Variants in NCR3LG1 observed in about 807,000 individuals in gnomAD.
NCR3LG1 encodes the protein natural cytotoxicity triggering receptor 3 ligand 1.
Under a neutral mutation model 34.8 loss-of-function variants are expected in NCR3LG1, and 35 were observed. The observed-to-expected ratio is 1.01, with a 90% CI of 0.77 to 1.33. The LOEUF (loss-of-function observed/expected upper bound fraction) is 1.33, where lower values mean the gene tolerates loss of function less well. Among genes scored for constraint, NCR3LG1 ranks in the 40% most tolerant of loss-of-function variants. The pLI is 0.00. For synonymous variants in NCR3LG1, 173 were observed against 163.6 expected, an observed-to-expected ratio of 1.06 and a Z score of -0.44; for missense variants, 452 against 423.3, an observed-to-expected ratio of 1.07 and a Z score of -0.60.
chr11:17,370,120 C>T (rs377039670), intron 4 of NCR3LG1, among the ~76,000 whole-genome samples: 2 of 152,180 alleles, frequency 1.3e-5, no homozygotes, highest in Non-Finnish European at 2.9e-5. Context: ...GGCTTGCATG[C>T]ACACTACGAG....
intron 4 of NCR3LG1, among the ~76,000 whole-genome samples, chr11:17,370,963 A>T (rs1406340274): frequency 6.6e-6 from 1 of 152,208 alleles, no homozygotes; most frequent in Non-Finnish European, 1.5e-5. Context: ...TTTCCTTGAG[A>T]CAGGGGGACT....
chr11:17,378,587 T>C (rs1953495652), downstream of NCR3LG1, among the ~76,000 whole-genome samples: 1 of 152,130 alleles, frequency 6.6e-6, no homozygotes, highest in Admixed American at 6.5e-5. Context: ...CCCTAACTGC[T>C]GTAACCCCAA....
chr11:17,372,243 T>C lies in NCR3LG1; in HGVS notation c.1096T>C (p.Tyr366His), dbSNP rs1045678240. The C allele has an allele frequency of 5.7e-6, 4 of 703,044 alleles. No individual in the cohort carries two copies. Among genetic ancestry groups the C allele is most frequent in the Non-Finnish European group, 7.8e-6 (3 of 385,044 alleles). The allele number at this position is 703,044 out of a possible 1,614,324, so 43.6% of individuals were successfully genotyped here. Residue 366 changes from tyrosine (Y) to histidine (H), a missense_variant, in exon 5 of 5, where the codon TAT becomes CAT. By Grantham distance (83) the Tyr-to-His change is moderately conservative. Transcript: ENST00000338965. ...RQEGKWSEVPYVQAFFALRDN... is the reference protein window; with the variant it reads ...RQEGKWSEVPHVQAFFALRDN... ...GGAGGGCAAATGGTCCGAGGTTCCT[T>C]ATGTGCAAGCCTTCTTTGCCTTGCG...
chr11:17,364,192 T>G (rs1375847759), intron 2 of NCR3LG1, among the ~76,000 whole-genome samples: 1 of 152,068 alleles, frequency 6.6e-6, no homozygotes, highest in Non-Finnish European at 1.5e-5. Flanking sequence ...GTTTGGGAAG[T>G]TTCTTTTTTA....
At chr11:17,362,697 TTTCTTTC>T (rs1240829115) in intron 2 of NCR3LG1, among the ~76,000 whole-genome samples, 1 of 4,880 alleles carries the variant, frequency 2.0e-4, no homozygotes, top group Non-Finnish European at 3.5e-4. Context: ...CCTTCCTTTC[TTTCTTTC>T]TTTCTTTCTT....
chr11:17,372,280 A>G lies in NCR3LG1; in HGVS notation c.1133A>G (p.Asp378Gly). The change falls in exon 5 of 5, where the codon GAT becomes GGT. Residue 378 changes from aspartate (D) to glycine (G), a missense_variant. Asp to Gly is a moderately conservative substitution (Grantham distance 94). Transcript: ENST00000338965. ...QAFFALRDNPDLCQCCRIDPA... is the reference protein window; with the variant it reads ...QAFFALRDNPGLCQCCRIDPA... ...TTCTTTGCCTTGCGAGACAACCCAG[A>G]TCTTTGTCAGTGTTGTAGAATTGAC... 1 of 703,108 alleles carries G rather than the reference A, an allele frequency of 1.4e-6. No homozygotes were observed. The highest frequency in any genetic ancestry group is 2.7e-5 in the East Asian group (1 of 37,284). The allele number at this position is 703,108 out of a possible 1,614,324, so 43.6% of individuals were successfully genotyped here. A position where few individuals can be genotyped will look rare whatever the true frequency, so the allele number is the denominator to read the frequency against.
At chr11:17,379,625 T>C (rs1038879515), downstream of NCR3LG1, among the ~76,000 whole-genome samples, 5 of 152,186 alleles carry the variant, frequency 3.3e-5, no homozygotes, top group African/African-American at 1.2e-4. Flanking sequence ...GTTGCTCCAG[T>C]GGAGGCCAGG....
intron 4 of NCR3LG1, among the ~76,000 whole-genome samples, chr11:17,370,584 C>T (rs1339015556): frequency 2.0e-5 from 3 of 152,150 alleles, no homozygotes; most frequent in African/African-American, 2.4e-5. Context: ...CCCCCTTCAC[C>T]CTCAGGTGTT....
At position 17,374,810 on chromosome 11, in the gene NCR3LG1, G is replaced by A. The variant is rs961852803; in HGVS notation, c.*2298G>A. On this transcript the variant is annotated 3_prime_UTR_variant, in exon 5 of 5. Coordinates refer to ENST00000338965, the MANE Select transcript of NCR3LG1 (RefSeq NM_001202439.3). ...AACTCACTTCCTGACCTGGGAACCT[G>A]AAGGTCAAAAGGCCATTAATCAGTT... The A allele has an allele frequency of 3.9e-5, 6 of 152,186 alleles. No individual in the cohort carries two copies. Among genetic ancestry groups the A allele is most frequent in the South Asian group, 2.1e-4 (1 of 4,828 alleles). 9.4% of individuals were successfully genotyped at this position (152,186 alleles called of 1,614,324 possible).
At chr11:17,370,674 G>C (rs141689888) in intron 4 of NCR3LG1, among the ~76,000 whole-genome samples, 1 of 152,302 alleles carries the variant, frequency 6.6e-6, no homozygotes, top group East Asian at 1.9e-4. Flanking sequence ...AGGTCCTGGG[G>C]CAACTGAAGG....
intron 2 of NCR3LG1, among the ~76,000 whole-genome samples, chr11:17,363,748 C>T (rs1421641724): frequency 2.0e-5 from 3 of 151,876 alleles, no homozygotes; most frequent in African/African-American, 7.3e-5. Flanking sequence ...ACGCGGGTGC[C>T]ACTAAGCATG....
intron 3 of NCR3LG1, 70 bp from the exon 4 acceptor site, chr11:17,368,797 C>T: frequency 1.0e-6 from 1 of 998,756 alleles, no homozygotes; most frequent in Non-Finnish European, 1.5e-6. Context: ...CAGTTCCCAG[C>T]AGCAGTTGTG....
intron 2 of NCR3LG1, among the ~76,000 whole-genome samples, chr11:17,363,290 GTCTT>G (rs1025136659): frequency 7.2e-5 from 11 of 151,906 alleles, no homozygotes; most frequent in Non-Finnish European, 1.0e-4. Flanking sequence ...GTCTGAGAAA[GTCTT>G]TATTTATACT....
rs145070714 is a variant in NCR3LG1, at chr11:17,367,993, T to C, written c.760+646T>C. Among the ~76,000 whole-genome samples, 36 of 152,142 alleles carry C rather than the reference T, an allele frequency of 2.4e-4. No individual in the cohort carries two copies. In the East Asian group the frequency reaches 7.0e-3, roughly 29 times the overall value. On this transcript the variant is annotated intron_variant, in intron 3 of 4. Transcript: ENST00000338965. ...ACCACCACGCACGGCTGATTTTGTA[T>C]TTTTAGTAAAGATGGGGTTTCTCTA...
At chr11:17,358,677 G>A (rs1306235187) in intron 2 of NCR3LG1, among the ~76,000 whole-genome samples, 2 of 152,088 alleles carry the variant, frequency 1.3e-5, no homozygotes, top group Non-Finnish European at 2.9e-5. Flanking sequence ...CCTTGGAGGT[G>A]GAGTATCTAC....
At chr11:17,356,136 CTTTT>C (rs71457872) in intron 1 of NCR3LG1, among the ~76,000 whole-genome samples, 3 of 104,554 alleles carry the variant, frequency 2.9e-5, no homozygotes, top group African/African-American at 4.9e-5. Context: ...TTCTTTCTTT[CTTTT>C]TTTTTTTTTT....
intron 2 of NCR3LG1, among the ~76,000 whole-genome samples, chr11:17,359,462 C>T (rs1953245983): frequency 1.3e-5 from 2 of 150,148 alleles, no homozygotes; most frequent in African/African-American, 4.9e-5. Context: ...CGATAAGAAA[C>T]AACTTTATCT....
chr11:17,363,576 C>CTCTTTTCTTTTCTTT (rs112741886), intron 2 of NCR3LG1, among the ~76,000 whole-genome samples: 1 of 124,528 alleles, frequency 8.0e-6, no homozygotes, highest in South Asian at 2.9e-4. Flanking sequence ...TCCTCTTTCT[C>CTCTTTTCTTTTCTTT]TCTTTTCTTT....
At chr11:17,370,081 C>T (rs1953389750) in intron 4 of NCR3LG1, among the ~76,000 whole-genome samples, 1 of 152,152 alleles carries the variant, frequency 6.6e-6, no homozygotes, top group African/African-American at 2.4e-5. Flanking sequence ...GTAAGGGGAA[C>T]AAAGCCACAT....
Sources: allele counts gnomAD v4.1 joint callset (sites outside exome capture counted in the v4.1 genomes callset), GRCh38; gene constraint gnomAD v4.1.1; transcripts MANE v1.5; gene names NCBI Gene and HGNC (gene_info 2026-07-23, HGNC 2026-07-21).